The following NTM variants were observed in gnomAD, a reference collection of about 807,000 sequenced individuals.
The protein encoded by NTM is IgLON family member 2.
In NTM, 13 loss-of-function variants were observed where a neutral mutation model predicts 42.1. The observed-to-expected ratio is 0.31, with a 90% confidence interval of 0.20 to 0.49. The LOEUF is 0.49. Ranked by LOEUF, NTM falls within the 20% of genes least tolerant of loss-of-function variation. The probability of loss-of-function intolerance (pLI) is 0.99; values close to 1 mark genes in which losing one functional copy is unlikely to be tolerated. For missense variants in NTM, 373 were observed against 452.8 expected (o/e 0.82, Z 1.60); for synonymous variants, 187 against 179.2 (o/e 1.04, Z -0.35).
At chr11:131,761,531 C>T (rs898345693) in intron 1 of NTM, among the ~76,000 whole-genome samples, 1 of 152,042 alleles carries the variant, frequency 6.6e-6, no homozygotes, top group Non-Finnish European at 1.5e-5. Flanking sequence ...AAGCCGGGCA[C>T]GGTGGCTCAC....
intron 4 of NTM, among the ~76,000 whole-genome samples, chr11:132,303,133 A>G: frequency 6.6e-6 from 1 of 152,256 alleles, no homozygotes; most frequent in Admixed American, 6.5e-5. Flanking sequence ...GTGCAACAAT[A>G]GTGCAGAACA....
intron 1 of NTM, among the ~76,000 whole-genome samples, chr11:131,838,152 G>A (rs1285202228): frequency 6.6e-6 from 1 of 152,030 alleles, no homozygotes; most frequent in East Asian, 1.9e-4. Context: ...GGTAAAAACC[G>A]GAAGGACGAC....
At chr11:131,578,549 C>T (rs1231241371) in intron 1 of NTM, among the ~76,000 whole-genome samples, 1 of 152,142 alleles carries the variant, frequency 6.6e-6, no homozygotes, top group Non-Finnish European at 1.5e-5. Flanking sequence ...ATAACTCTTT[C>T]ATTCATTCTT....
chr11:131,653,563 G>C (rs1220393893), intron 1 of NTM, among the ~76,000 whole-genome samples: 2 of 152,290 alleles, frequency 1.3e-5, no homozygotes, highest in East Asian at 3.8e-4. Context: ...CCCTGCCACA[G>C]TGGCTGAGTG....
intron 1 of NTM, among the ~76,000 whole-genome samples, chr11:131,690,870 C>T (rs1016799240): frequency 6.6e-6 from 1 of 152,116 alleles, no homozygotes; most frequent in Non-Finnish European, 1.5e-5. Context: ...CTGTCCACCC[C>T]GTCACTTCCC....
chr11:132,329,028 C>G (rs990064588), intron 7 of NTM, among the ~76,000 whole-genome samples: 56 of 152,250 alleles, frequency 3.7e-4, no homozygotes, highest in African/African-American at 1.3e-3. Context: ...GCCGCTAATG[C>G]CCACTTAAAT....
At chr11:131,588,980 G>A (rs924868932) in intron 1 of NTM, among the ~76,000 whole-genome samples, 2 of 152,200 alleles carry the variant, frequency 1.3e-5, no homozygotes, top group Non-Finnish European at 2.9e-5. Flanking sequence ...TTATATGGGA[G>A]AGTAGTGGAG....
chr11:131,469,869 C>A (rs1220356006), intron 1 of NTM, among the ~76,000 whole-genome samples: 1 of 152,178 alleles, frequency 6.6e-6, no homozygotes. Context: ...TAGATTTTGT[C>A]TGTGTGTCCA....
At chr11:132,013,712 C>A (rs1357648578) in intron 2 of NTM, among the ~76,000 whole-genome samples, 1 of 152,072 alleles carries the variant, frequency 6.6e-6, no homozygotes, top group Non-Finnish European at 1.5e-5. Flanking sequence ...TAAAATTTAT[C>A]CACTTTAAGT....
chr11:131,400,150 G>A (rs2135671060), intron 1 of NTM, among the ~76,000 whole-genome samples: 1 of 152,176 alleles, frequency 6.6e-6, no homozygotes, highest in Non-Finnish European at 1.5e-5. Context: ...AAGGGCCCCA[G>A]TAAAGCTGAG....
chr11:131,907,474 TG>T (rs1308361304), intron 1 of NTM, among the ~76,000 whole-genome samples: 2 of 152,350 alleles, frequency 1.3e-5, no homozygotes, highest in East Asian at 3.9e-4. Flanking sequence ...TGTTTCCTTT[TG>T]CTCAGGGAGT....
rs566573341 is a variant in NTM at position 132,158,990 on chromosome 11, G to A, written c.400+12476G>A. Among the ~76,000 whole-genome samples the A allele has an allele frequency of 2.0e-5, 3 of 152,326 alleles. No homozygotes were observed. In the South Asian group the frequency reaches 6.2e-4, roughly 32 times the overall value. ...CAGATCTCTGCCACCCCCAGGGTGT[G>A]GGTTTCACTGTGGAGGGGATGGGGA... is the stretch of plus-strand genomic sequence containing the variant. On this transcript the variant is annotated intron_variant, in intron 3 of 8. Transcript: ENST00000683400.
intron 4 of NTM, among the ~76,000 whole-genome samples, chr11:132,254,662 C>A (rs114186188): frequency 2.0e-5 from 3 of 152,078 alleles, no homozygotes; most frequent in African/African-American, 7.2e-5. Context: ...ATAAAAGACT[C>A]GGTTTCTGCA....
intron 2 of NTM, among the ~76,000 whole-genome samples, chr11:132,013,011 T>C (rs1335657352): frequency 6.6e-6 from 1 of 152,170 alleles, no homozygotes; most frequent in South Asian, 2.1e-4. Flanking sequence ...ATGAGATATC[T>C]AATTGGAATT....
At chr11:131,396,894 ACTCTGGGAAGCTCACGTCACCT>A (rs1483696326) in intron 1 of NTM, among the ~76,000 whole-genome samples, 2 of 151,956 alleles carry the variant, frequency 1.3e-5, no homozygotes. Flanking sequence ...TAGCTGTGCA[ACTCTGGGAAGCTCACGTCACCT>A]CTCTGGGCCT....
At chr11:131,994,675 G>A (rs1476981853) in intron 2 of NTM, among the ~76,000 whole-genome samples, 4 of 152,012 alleles carry the variant, frequency 2.6e-5, no homozygotes, top group African/African-American at 7.2e-5. Context: ...AGACACCTAG[G>A]ACTATTTCAT....
intron 1 of NTM, among the ~76,000 whole-genome samples, chr11:131,739,330 C>T (rs954769956): frequency 3.9e-5 from 6 of 152,044 alleles, no homozygotes; most frequent in Non-Finnish European, 8.8e-5. Context: ...AACTTTATCA[C>T]GTATGAGTAT....
intron 1 of NTM, among the ~76,000 whole-genome samples, chr11:131,851,537 G>A (rs1162322406): frequency 7.9e-6 from 1 of 126,900 alleles, no homozygotes; most frequent in Non-Finnish European, 1.8e-5. Context: ...AATGGCGTGT[G>A]TGTGTGTGTG....
At chr11:132,123,755 G>T (rs1199344402) in intron 2 of NTM, among the ~76,000 whole-genome samples, 1 of 152,204 alleles carries the variant, frequency 6.6e-6, no homozygotes, top group Non-Finnish European at 1.5e-5. Context: ...CAGGCAAACA[G>T]GACCAGCCCA....
Sources: allele counts gnomAD v4.1 joint callset (sites outside exome capture counted in the v4.1 genomes callset), GRCh38; gene constraint gnomAD v4.1.1; transcripts MANE v1.5; gene names NCBI Gene and HGNC (gene_info 2026-07-23, HGNC 2026-07-21).